The following RBFOX1 variants were observed in gnomAD, a reference collection of about 807,000 sequenced individuals.
The protein encoded by RBFOX1 is RNA binding protein fox-1 homolog 1.
RBFOX1 carries 8 observed loss-of-function variants against 57.7 expected under a neutral mutation model. That is an observed-to-expected ratio of 0.14 (90% CI 0.08 to 0.25). RBFOX1 has a LOEUF of 0.25. Among genes scored for constraint, RBFOX1 ranks in the 10% least tolerant of loss-of-function variants. The pLI is 1.00. For missense variants in RBFOX1, 611 were observed against 548.5 expected, an observed-to-expected ratio of 1.11 and a Z score of -1.14; for synonymous variants, 326 against 222.4, an observed-to-expected ratio of 1.47 and a Z score of -4.15.
chr16:7,449,729 T>TG (rs1194406323), intron 4 of RBFOX1, among the ~76,000 whole-genome samples: 9,041 of 75,782 alleles, frequency 0.12, 1,036 homozygotes, highest in African/African-American at 0.17. Context: ...TGTGTGTGTG[T>TG]GGGGGGGGGG....
At chr16:7,117,150 G>A (rs1234921716) in intron 4 of RBFOX1, among the ~76,000 whole-genome samples, 1 of 152,124 alleles carries the variant, frequency 6.6e-6, no homozygotes, top group Non-Finnish European at 1.5e-5. Context: ...AGTAAAGTGA[G>A]GGCTGGAATG....
intron 3 of RBFOX1, among the ~76,000 whole-genome samples, chr16:5,801,696 A>G (rs969649079): frequency 2.6e-5 from 4 of 152,216 alleles, no homozygotes; most frequent in Non-Finnish European, 4.4e-5. Flanking sequence ...GGCAGGCACA[A>G]TGTGCCTTTG....
In RBFOX1 at chr16:7,403,639, C is replaced by T. The variant is rs1162425009; in HGVS notation, c.28-114508C>T. Among the ~76,000 whole-genome samples, 4 of 150,862 alleles carry T rather than the reference C, an allele frequency of 2.7e-5. No individual in the cohort carries two copies. The East Asian group carries it at 5.9e-4, about 22-fold the overall frequency. On this transcript the variant is annotated intron_variant, in intron 4 of 15. Transcript: ENST00000550418. ...TCAGGTCAGGGCAACCTCCGCCTCC[C>T]AAGTTCAAGTGATTCTCCTGCCTCA... is the stretch of plus-strand genomic sequence containing the variant.
chr16:6,373,754 C>T lies in RBFOX1; in HGVS notation c.-64+56697C>T, dbSNP rs147685337. 1.0e-3 allele frequency among the ~76,000 whole-genome samples: 157 copies of T among 152,158 alleles called. 1 individual carries two copies. In the East Asian group the frequency reaches 0.023, roughly 22 times the overall value. On this transcript the variant is annotated intron_variant, in intron 2 of 15. Transcript: ENST00000550418. ...GAGTTGTTAAGTGGAAGAATTGTGA[C>T]GATAAAGGATCATTATGTGGGAAGA...
chr16:6,020,088 C>A, intron 1 of RBFOX1, 96 bp downstream of exon 1: 1 of 1,291,708 alleles, frequency 7.7e-7, no homozygotes, highest in Non-Finnish European at 1.0e-6. Flanking sequence ...TCCCCGAGAA[C>A]TGGCCTCCTC....
intron 4 of RBFOX1, among the ~76,000 whole-genome samples, chr16:7,394,877 C>G (rs2098116076): frequency 6.6e-6 from 1 of 152,322 alleles, no homozygotes; most frequent in South Asian, 2.1e-4. Context: ...TCTCTTCCCA[C>G]CCTCCTTGCC....
At chr16:6,932,047 C>G (rs370769476) in intron 3 of RBFOX1, among the ~76,000 whole-genome samples, 5 of 152,138 alleles carry the variant, frequency 3.3e-5, no homozygotes, top group African/African-American at 1.2e-4. Flanking sequence ...ACAATCCATT[C>G]TTGAGGGCAG....
At chr16:7,676,924 A>T in intron 14 of RBFOX1, 86 bp downstream of exon 14, 1 of 1,355,524 alleles carries the variant, frequency 7.4e-7, no homozygotes, top group South Asian at 1.2e-5. Flanking sequence ...GTCTTGGTGA[A>T]ACTGCATGAC....
chr16:5,281,827 G>A (rs540970557), intron 1 of RBFOX1, among the ~76,000 whole-genome samples: 2 of 152,330 alleles, frequency 1.3e-5, no homozygotes, highest in South Asian at 2.1e-4. Flanking sequence ...TACAAGTGAA[G>A]TGAGTTTCTT....
At chr16:6,256,849 A>G (rs2097670883) in intron 1 of RBFOX1, among the ~76,000 whole-genome samples, 1 of 152,246 alleles carries the variant, frequency 6.6e-6, no homozygotes, top group Admixed American at 6.5e-5. Context: ...TGCTAAGAGC[A>G]GTATGTGGGA....
intron 3 of RBFOX1, among the ~76,000 whole-genome samples, chr16:6,665,172 G>C (rs141326898): frequency 6.6e-6 from 1 of 152,146 alleles, no homozygotes; most frequent in Non-Finnish European, 1.5e-5. Flanking sequence ...GAGAAAAGGC[G>C]CTTCTTTTTC....
intron 4 of RBFOX1, among the ~76,000 whole-genome samples, chr16:7,253,399 C>T (rs555955130): frequency 4.6e-5 from 7 of 152,256 alleles, no homozygotes; most frequent in East Asian, 1.9e-4. Context: ...TGGTGTTCTC[C>T]GGCTTGACAA....
chr16:5,992,385 C>T (rs973339527), intron 4 of RBFOX1, among the ~76,000 whole-genome samples: 8 of 152,152 alleles, frequency 5.3e-5, no homozygotes, highest in Non-Finnish European at 1.2e-4. Context: ...TTCATTAAAG[C>T]GAGACCAATG....
intron 3 of RBFOX1, among the ~76,000 whole-genome samples, chr16:6,701,183 A>G (rs954908806): frequency 2.6e-5 from 4 of 151,240 alleles, no homozygotes; most frequent in African/African-American, 9.7e-5. Context: ...AATGGCTGGG[A>G]CTTTACCTCC....
rs182135156 is a variant in RBFOX1 at position 5,279,969 on chromosome 16, C to T, written c.219+39864C>T. On this transcript the variant is annotated intron_variant, in intron 1 of 2. Transcript: ENST00000585867. Reference sequence around the variant, plus strand: ...ATCACTCTGGCTTGGATGTGCCATACTGTGTTGAATAGGAGTGGTGAAAGT... The same window carrying T: ...ATCACTCTGGCTTGGATGTGCCATATTGTGTTGAATAGGAGTGGTGAAAGT... 8.5e-5 allele frequency among the ~76,000 whole-genome samples: 13 copies of T among 152,268 alleles called. No individual in the cohort carries two copies. In the East Asian group the frequency reaches 2.3e-3, roughly 27 times the overall value.
At chr16:5,329,022 C>G (rs183898657) in intron 1 of RBFOX1, among the ~76,000 whole-genome samples, 93 of 152,274 alleles carry the variant, frequency 6.1e-4, no homozygotes, top group African/African-American at 2.2e-3. Context: ...TTAATAACAA[C>G]AGCTAAAATG....
intron 1 of RBFOX1, among the ~76,000 whole-genome samples, chr16:5,329,500 C>T (rs1567341418): frequency 6.6e-6 from 1 of 152,364 alleles, no homozygotes; most frequent in East Asian, 1.9e-4. Flanking sequence ...CCACCTCCAA[C>T]ACTGGGGATT....
At chr16:5,492,341 C>T (rs936416417) in intron 2 of RBFOX1, among the ~76,000 whole-genome samples, 2 of 152,306 alleles carry the variant, frequency 1.3e-5, no homozygotes, top group African/African-American at 4.8e-5. Flanking sequence ...ACTTCCTGCA[C>T]GCCAGGTCCT....
intron 4 of RBFOX1, among the ~76,000 whole-genome samples, chr16:7,385,454 G>C (rs1279539139): frequency 6.6e-6 from 1 of 152,194 alleles, no homozygotes; most frequent in East Asian, 1.9e-4. Context: ...AGGATGGAGA[G>C]GTCGGGGCTT....
Sources: gnomAD v4.1 joint callset for allele counts (sites outside exome capture counted in the v4.1 genomes callset) on GRCh38, gnomAD v4.1.1 for gene constraint, MANE v1.5 for transcripts, NCBI Gene and HGNC (gene_info 2026-07-23, HGNC 2026-07-21) for gene names.